Variants in GRIA4 observed in about 807,000 individuals in gnomAD.
GRIA4 encodes glutamate receptor 4.
Under a neutral mutation model 104.0 loss-of-function variants are expected in GRIA4, and 34 were observed. The observed-to-expected ratio is 0.33, with a 90% confidence interval of 0.25 to 0.44. The LOEUF (loss-of-function observed/expected upper bound fraction) is 0.44, where lower values mean the gene tolerates loss of function less well. Ranked by LOEUF, GRIA4 falls within the 20% of genes least tolerant of loss-of-function variation. The pLI is 1.00. For synonymous variants in GRIA4, 386 were observed against 381.9 expected (o/e 1.01, Z -0.13); for missense variants, 750 against 1,096.5 (o/e 0.68, Z 4.46).
intron 4 of GRIA4, among the ~76,000 whole-genome samples, chr11:105,816,923 G>C (rs1335886696): frequency 6.6e-6 from 1 of 152,130 alleles, no homozygotes; most frequent in African/African-American, 2.4e-5. Flanking sequence ...GGAAGGCTGA[G>C]AAGGGAGGAC....
At chr11:105,898,050 C>T (rs1946718327) in intron 6 of GRIA4, among the ~76,000 whole-genome samples, 1 of 152,092 alleles carries the variant, frequency 6.6e-6, no homozygotes, top group South Asian at 2.1e-4. Flanking sequence ...GAAATAAAAA[C>T]ATATCTTTGT....
intron 4 of GRIA4, among the ~76,000 whole-genome samples, chr11:105,772,408 A>G (rs1941250912): frequency 6.6e-6 from 1 of 152,128 alleles, no homozygotes; most frequent in South Asian, 2.1e-4. Flanking sequence ...TAAACAGACA[A>G]TGTAAGCTTA....
chr11:105,704,616 AG>A (rs1388142742), intron 3 of GRIA4, among the ~76,000 whole-genome samples: 1 of 152,168 alleles, frequency 6.6e-6, no homozygotes, highest in East Asian at 1.9e-4. Context: ...AGTGGGTGTC[AG>A]GAATTTCTTA....
intron 3 of GRIA4, among the ~76,000 whole-genome samples, chr11:105,647,609 A>G (rs1483231439): frequency 1.3e-5 from 2 of 152,214 alleles, no homozygotes; most frequent in Non-Finnish European, 2.9e-5. Context: ...AAAACTATAC[A>G]GCCATAAGAA....
At chr11:105,725,187 G>T (rs559657049) in intron 3 of GRIA4, among the ~76,000 whole-genome samples, 1 of 152,138 alleles carries the variant, frequency 6.6e-6, no homozygotes, top group African/African-American at 2.4e-5. Context: ...GTTTAAGCAT[G>T]CAATATTAGC....
chr11:105,879,787 A>G lies in GRIA4; in HGVS notation c.673-7732A>G, dbSNP rs374839470. ...TCATAAACAGGTTTGGTATTCATCA[A>G]TTATCTAATATGATAGACAATGTTA... On this transcript the variant is annotated intron_variant, in intron 5 of 16. Coordinates refer to ENST00000282499, the MANE Select transcript of GRIA4 (RefSeq NM_000829.4). Among the ~76,000 whole-genome samples, 3 of 152,208 alleles carry G rather than the reference A, an allele frequency of 2.0e-5. No homozygotes were observed. In the East Asian group the frequency reaches 5.8e-4, roughly 29 times the overall value.
intron 16 of GRIA4, among the ~76,000 whole-genome samples, chr11:105,977,794 C>T (rs1447739926): frequency 6.6e-6 from 1 of 151,992 alleles, no homozygotes; most frequent in Admixed American, 6.6e-5. Flanking sequence ...AGTAGGAAAA[C>T]ATTCACCTCC....
At chr11:105,643,971 G>A (rs541873604) in intron 3 of GRIA4, among the ~76,000 whole-genome samples, 2 of 152,228 alleles carry the variant, frequency 1.3e-5, no homozygotes, top group South Asian at 2.1e-4. Context: ...CACCTGCCTC[G>A]GCCTCCCAGA....
intron 4 of GRIA4, among the ~76,000 whole-genome samples, chr11:105,815,103 T>C (rs1055485911): frequency 1.3e-5 from 2 of 152,128 alleles, no homozygotes; most frequent in African/African-American, 4.8e-5. Context: ...TTTTGCTTAT[T>C]GAGAGATAGA....
intron 3 of GRIA4, among the ~76,000 whole-genome samples, chr11:105,620,846 T>C (rs1195851103): frequency 6.6e-6 from 1 of 151,910 alleles, no homozygotes; most frequent in Non-Finnish European, 1.5e-5. Context: ...TATTCAAAAC[T>C]ATTTTCCAGA....
intron 5 of GRIA4, among the ~76,000 whole-genome samples, chr11:105,870,708 C>T (rs553277483): frequency 6.6e-6 from 1 of 151,994 alleles, no homozygotes; most frequent in Non-Finnish European, 1.5e-5. Flanking sequence ...TGGAGCCTAA[C>T]CACAGAGGGT....
At chr11:105,775,953 A>C (rs2135755404) in intron 4 of GRIA4, among the ~76,000 whole-genome samples, 1 of 152,130 alleles carries the variant, frequency 6.6e-6, no homozygotes, top group East Asian at 1.9e-4. Context: ...AAAAAATCTG[A>C]AATTTGCATA....
At chr11:105,630,505 A>C (rs2135307745) in intron 3 of GRIA4, among the ~76,000 whole-genome samples, 1 of 152,332 alleles carries the variant, frequency 6.6e-6, no homozygotes, top group South Asian at 2.1e-4. Flanking sequence ...CCAAGGTTGC[A>C]GTGAGCTGAG....
intron 3 of GRIA4, among the ~76,000 whole-genome samples, chr11:105,633,422 C>T (rs1591472288): frequency 6.6e-6 from 1 of 152,128 alleles, no homozygotes; most frequent in South Asian, 2.1e-4. Flanking sequence ...TCCTTTATAT[C>T]CCCTGAATAT....
chr11:105,801,750 A>G (rs1357510373), intron 4 of GRIA4, among the ~76,000 whole-genome samples: 1 of 152,102 alleles, frequency 6.6e-6, no homozygotes, highest in Non-Finnish European at 1.5e-5. Context: ...AAAATAAGAC[A>G]GGATTTTCTA....
At chr11:105,764,169 A>C (rs1175457221) in intron 4 of GRIA4, among the ~76,000 whole-genome samples, 1 of 151,900 alleles carries the variant, frequency 6.6e-6, no homozygotes, top group East Asian at 1.9e-4. Context: ...ACGGAGTCTC[A>C]CTCTGTCACC....
chr11:105,771,731 A>C (rs1941216224), intron 4 of GRIA4, among the ~76,000 whole-genome samples: 1 of 152,120 alleles, frequency 6.6e-6, no homozygotes, highest in African/African-American at 2.4e-5. Flanking sequence ...CAGGTCCATT[A>C]CATGTAAATT....
intron 5 of GRIA4, among the ~76,000 whole-genome samples, chr11:105,884,963 A>G (rs1168460597): frequency 6.6e-6 from 1 of 151,176 alleles, no homozygotes; most frequent in Non-Finnish European, 1.5e-5. Flanking sequence ...GTGTTAAGAA[A>G]TAAGAGGCAG....
intron 4 of GRIA4, among the ~76,000 whole-genome samples, chr11:105,767,369 T>C (rs761807127): frequency 5.9e-5 from 9 of 152,174 alleles, no homozygotes; most frequent in Non-Finnish European, 1.2e-4. Context: ...TATTTTAGCA[T>C]TTAACAGTTA....
Sources: allele counts gnomAD v4.1 joint callset (sites outside exome capture counted in the v4.1 genomes callset), GRCh38; gene constraint gnomAD v4.1.1; transcripts MANE v1.5; gene names NCBI Gene and HGNC (gene_info 2026-07-23, HGNC 2026-07-21).